NCKAP5: variants seen among roughly 807,000 people sequenced by gnomAD.
The protein encoded by NCKAP5 is nck-associated protein 5.
Under a neutral mutation model 167.0 loss-of-function variants are expected in NCKAP5, and 92 were observed. That is an observed-to-expected ratio of 0.55 (90% CI 0.47 to 0.66). The LOEUF (loss-of-function observed/expected upper bound fraction) is 0.66, where lower values mean the gene tolerates loss of function less well. Ranked by LOEUF, NCKAP5 falls within the 30% of genes least tolerant of loss-of-function variation. The pLI is 0.00. For synonymous variants in NCKAP5, 891 were observed against 877.4 expected (o/e 1.02, Z -0.27); for missense variants, 2,378 against 2,315.0 (o/e 1.03, Z -0.56).
chr2:133,528,969 A>G (rs1230131138), intron 2 of NCKAP5, among the ~76,000 whole-genome samples: 3 of 152,052 alleles, frequency 2.0e-5, no homozygotes, highest in Non-Finnish European at 4.4e-5. Context: ...ATTTTCACCT[A>G]CTAGCCATAG....
chr2:132,823,265 C>T (rs1368572301), intron 11 of NCKAP5, among the ~76,000 whole-genome samples: 1 of 151,950 alleles, frequency 6.6e-6, no homozygotes, highest in African/African-American at 2.4e-5. Context: ...TATCTAAAGT[C>T]AAAACAAGGG....
the NCKAP5 span, among the ~76,000 whole-genome samples, chr2:133,673,000 GT>G: frequency 6.6e-6 from 1 of 152,184 alleles, no homozygotes; most frequent in Non-Finnish European, 1.5e-5. Flanking sequence ...TGTAAGTGAA[GT>G]TCCTGCTTAC....
the NCKAP5 span, among the ~76,000 whole-genome samples, chr2:133,668,164 C>T: frequency 2.0e-5 from 3 of 151,944 alleles, no homozygotes; most frequent in East Asian, 1.9e-4. Flanking sequence ...TACCACATTT[C>T]CTTTATCCAT....
At chr2:133,206,718 C>G (rs2085967935) in intron 5 of NCKAP5, among the ~76,000 whole-genome samples, 1 of 152,140 alleles carries the variant, frequency 6.6e-6, no homozygotes, top group African/African-American at 2.4e-5. Context: ...AGGCAGAATA[C>G]AGCCATATTT....
intron 7 of NCKAP5, among the ~76,000 whole-genome samples, chr2:132,979,985 TTTTTCTTTTTC>T (rs1380221134): frequency 6.8e-6 from 1 of 147,340 alleles, no homozygotes; most frequent in African/African-American, 2.7e-5. Flanking sequence ...TTTCTTTTTC[TTTTTCTTTTTC>T]TTTTTTTTTT....
In NCKAP5 at chr2:133,125,633, C is replaced by T. The variant is rs577357292; in HGVS notation, c.341+4345G>A. Among the ~76,000 whole-genome samples the T allele has an allele frequency of 3.9e-5, 6 of 152,264 alleles. No individual in the cohort carries two copies. The East Asian group carries it at 1.2e-3, about 29-fold the overall frequency. ...CCAAATAATAAGATAAAGTGGCAGCCCTAAGATATCACCACCTGCCTCTAA... is the reference window on the plus strand; with the variant it reads ...CCAAATAATAAGATAAAGTGGCAGCTCTAAGATATCACCACCTGCCTCTAA... On this transcript the variant is annotated intron_variant, in intron 6 of 19. Coordinates refer to ENST00000409261, the MANE Select transcript of NCKAP5 (RefSeq NM_207363.3).
chr2:132,849,733 T>C (rs1362476760), intron 11 of NCKAP5, among the ~76,000 whole-genome samples: 3 of 152,174 alleles, frequency 2.0e-5, no homozygotes, highest in Non-Finnish European at 4.4e-5. Context: ...GCGTGGATCT[T>C]AGTGGCCTTT....
the NCKAP5 span, among the ~76,000 whole-genome samples, chr2:133,580,771 G>A: frequency 6.6e-5 from 10 of 152,340 alleles, no homozygotes; most frequent in South Asian, 2.1e-3. Flanking sequence ...GGTTTTGCAT[G>A]TGAAGCTTCC....
intron 4 of NCKAP5, among the ~76,000 whole-genome samples, chr2:133,230,304 C>A (rs112080223): frequency 7.6e-4 from 115 of 152,226 alleles, no homozygotes; most frequent in African/African-American, 2.7e-3. Context: ...CATAACATAA[C>A]CTCCTCTCTC....
chr2:133,172,648 T>TTG (rs2084297337), intron 5 of NCKAP5, among the ~76,000 whole-genome samples: 1 of 151,824 alleles, frequency 6.6e-6, no homozygotes, highest in Non-Finnish European at 1.5e-5. Flanking sequence ...TCGTTTTTTT[T>TTG]TTGTTGTTGT....
chr2:132,782,598 C>A lies in NCKAP5; in HGVS notation c.4213G>T (p.Gly1405Trp). ...CTGCGGCGGTCACTGCCTGGTTCCC[C>A]AAGTACAGCCACATTGGCACTGGGG... Reference protein sequence around the residue: ...ECPSANVAVLGEPGSDRRSCP... With the variant: ...ECPSANVAVLWEPGSDRRSCP... The change falls in exon 14 of 20, where the codon GGG (glycine) becomes TGG (tryptophan). Residue 1405 changes from glycine (G) to tryptophan (W), a missense_variant. Physicochemically the swap from Gly to Trp is radical, Grantham distance 184. Around this residue, in one of 3 missense-constraint regions of NCKAP5, gnomAD observed 1,325 missense variants for 1,274.5 expected, o/e 1.04. Coordinates refer to ENST00000409261, the MANE Select transcript of NCKAP5 (RefSeq NM_207363.3). 1 of 1,588,264 alleles carries A rather than the reference C, an allele frequency of 6.3e-7. No homozygotes were observed. Among genetic ancestry groups the A allele is most frequent in the Non-Finnish European group, 8.6e-7 (1 of 1,166,964 alleles).
intron 4 of NCKAP5, among the ~76,000 whole-genome samples, chr2:133,291,239 G>A (rs1679575280): frequency 6.6e-6 from 1 of 152,160 alleles, no homozygotes; most frequent in Admixed American, 6.5e-5. Context: ...GGTCTTACAG[G>A]TTAAAGATGT....
In NCKAP5 at chr2:132,880,662, T is replaced by C. The variant is rs563808097; in HGVS notation, c.580-1746A>G. ...AAGAGAAAAAAGAAATGATAAATAC[T>C]CAAGCTGATGGATGCCTCAAATACT... On this transcript the variant is annotated intron_variant, in intron 8 of 19. Coordinates refer to ENST00000409261, the MANE Select transcript of NCKAP5 (RefSeq NM_207363.3). 1.4e-3 allele frequency among the ~76,000 whole-genome samples: 215 copies of C among 152,048 alleles called. 1 individual carries two copies. The highest frequency in any genetic ancestry group is 4.9e-3 in the African/African-American group (203 of 41,488).
chr2:133,187,077 A>C (rs1444336968), intron 5 of NCKAP5, among the ~76,000 whole-genome samples: 4 of 151,908 alleles, frequency 2.6e-5, no homozygotes, highest in East Asian at 1.9e-4. Flanking sequence ...TAACTTCTTG[A>C]TGAAGGTGTT....
intron 19 of NCKAP5, among the ~76,000 whole-genome samples, chr2:132,676,782 C>A (rs1684553185): frequency 6.6e-6 from 1 of 152,138 alleles, no homozygotes; most frequent in Admixed American, 6.5e-5. Flanking sequence ...AAGCATAGTG[C>A]ATAGATTATA....
At chr2:133,042,562 C>A (rs138744515) in intron 6 of NCKAP5, among the ~76,000 whole-genome samples, 161 of 152,244 alleles carry the variant, frequency 1.1e-3, no homozygotes, top group African/African-American at 3.3e-3. Flanking sequence ...CAAACTTAAA[C>A]CTCTTTTAAA....
At chr2:133,496,331 T>G (rs1681946425) in intron 3 of NCKAP5, among the ~76,000 whole-genome samples, 1 of 152,232 alleles carries the variant, frequency 6.6e-6, no homozygotes, top group Non-Finnish European at 1.5e-5. Context: ...CTCATTATCC[T>G]TTATGGTCAG....
At chr2:133,204,056 G>T (rs1161096033) in intron 5 of NCKAP5, among the ~76,000 whole-genome samples, 1 of 152,076 alleles carries the variant, frequency 6.6e-6, no homozygotes. Flanking sequence ...CACAGTTTAT[G>T]ACCCTAGTGT....
At chr2:132,863,158 T>C (rs936562105) in intron 10 of NCKAP5, among the ~76,000 whole-genome samples, 1 of 152,192 alleles carries the variant, frequency 6.6e-6, no homozygotes, top group Admixed American at 6.5e-5. Flanking sequence ...CCTCTGTCTG[T>C]GTCTCATGCT....
Sources: gnomAD v4.1 joint callset for allele counts (sites outside exome capture counted in the v4.1 genomes callset) on GRCh38, gnomAD v4.1.1 for gene constraint, gnomAD v4.1.1 regional missense constraint, MANE v1.5 for transcripts, NCBI Gene and HGNC (gene_info 2026-07-23, HGNC 2026-07-21) for gene names.